Variants in POMC observed in about 807,000 individuals in gnomAD.
POMC encodes pro-opiomelanocortin.
Under a neutral mutation model 18.5 loss-of-function variants are expected in POMC, and 19 were observed. That is an observed-to-expected ratio of 1.03 (90% CI 0.72 to 1.51). The LOEUF (loss-of-function observed/expected upper bound fraction) is 1.51, where lower values mean the gene tolerates loss of function less well. Ranked by LOEUF, POMC falls within the 40% of genes most tolerant of loss-of-function variation. The pLI is 0.00. For synonymous variants in POMC, 179 were observed against 161.9 expected, an observed-to-expected ratio of 1.11 and a Z score of -0.80; for missense variants, 451 against 379.0, an observed-to-expected ratio of 1.19 and a Z score of -1.58.
chr2:25,161,595 C>CTGCCGCTGCTGCCGCTGCTGCTGCTGT lies in POMC; in HGVS notation c.289_290insACAGCAGCAGCAGCGGCAGCAGCGGCA (p.Gly96_Ser97insAsnSerSerSerSerGlySerSerGly). The CTGCCGCTGCTGCCGCTGCTGCTGCTGT allele has an allele frequency of 5.8e-6, 9 of 1,556,580 alleles. No individual in the cohort carries two copies. Among genetic ancestry groups the CTGCCGCTGCTGCCGCTGCTGCTGCTGT allele is most frequent in the South Asian group, 1.2e-5 (1 of 84,906 alleles). Reference sequence around the variant, plus strand: ...CTCGCGCTTCTGCCCTGCGCCGCTGCTGCCGCTGCTGCTGCTGTTGCGGCG... The same window carrying CTGCCGCTGCTGCCGCTGCTGCTGCTGT: ...CTCGCGCTTCTGCCCTGCGCCGCTGCTGCCGCTGCTGCCGCTGCTGCTGCTGTTGCCGCTGCTGCTGCTGTTGCGGCG... On this transcript the variant is annotated inframe_insertion, in exon 3 of 3. Transcript: ENST00000395826. The surrounding 1 kb of genome is among the most constrained non-coding windows in gnomAD (Gnocchi z 5.7).
Position 25,161,695 on chromosome 2 carries a change from T to C in POMC, c.190A>G (p.Asn64Asp). ...TCGGTCAGAGGCTGCTCGTCGCCATTTCCCGGGAACATGGGAGTCTCGGCC... is the reference window on the plus strand; with the variant it reads ...TCGGTCAGAGGCTGCTCGTCGCCATCTCCCGGGAACATGGGAGTCTCGGCC... ...LSAETPMFPG[N>D]GDEQPLTENP... Residue 64 changes from asparagine (N) to aspartate (D), a missense_variant, in exon 3 of 3, where the codon AAT becomes GAT. Coordinates refer to ENST00000395826, the MANE Select transcript of POMC (RefSeq NM_000939.4). The surrounding 1 kb of genome is among the most constrained non-coding windows in gnomAD (Gnocchi z 5.7). The C allele has an allele frequency of 6.3e-7, 1 of 1,585,098 alleles. No individual in the cohort carries two copies. The highest frequency in any genetic ancestry group is 8.6e-7 in the Non-Finnish European group (1 of 1,166,766).
At position 25,161,275 on chromosome 2, in the gene POMC, C is replaced by T; in HGVS notation, c.610G>A (p.Asp204Asn). 6.2e-7 allele frequency: 1 copy of T among 1,611,284 alleles called. No homozygotes were observed. Among genetic ancestry groups the T allele is most frequent in the East Asian group, 2.2e-5 (1 of 44,818 alleles). The stretch of plus-strand genomic sequence containing the variant: ...GCCACCAGCAGGCTGTGCTCCAGGT[C>T]GGCCTGGGCCCCTGCGCCGTCATCG... ...PADDGAGAQA[D>N]LEHSLLVAAE... The change falls in exon 3 of 3, where the codon GAC becomes AAC. Residue 204 changes from aspartate to asparagine, a missense_variant. Coordinates refer to ENST00000395826, the MANE Select transcript of POMC (RefSeq NM_000939.4). This position sits in a 1 kb window ranked among gnomAD's most constrained non-coding sequence, Gnocchi z 5.7.
In POMC at chr2:25,161,389, C is replaced by T; in HGVS notation, c.496G>A (p.Asp166Asn). 3 of 1,608,670 alleles carry T rather than the reference C, an allele frequency of 1.9e-6. No homozygotes were observed. The highest frequency in any genetic ancestry group is 2.5e-6 in the Non-Finnish European group (3 of 1,178,032). Reference sequence around the variant, plus strand: ...AGGGGGAAGGCCTCGGCCGACTCGTCCTCGGCGCCGTTAGGGTACACCTTC... The same window carrying T: ...AGGGGGAAGGCCTCGGCCGACTCGTTCTCGGCGCCGTTAGGGTACACCTTC... ...PVKVYPNGAE[D>N]ESAEAFPLEF... The change falls in exon 3 of 3, where the codon GAC becomes AAC. Residue 166 changes from aspartate to asparagine, a missense_variant. Asp to Asn is a conservative substitution (Grantham distance 23). Coordinates refer to ENST00000395826, the MANE Select transcript of POMC (RefSeq NM_000939.4). This position sits in a 1 kb window ranked among gnomAD's most constrained non-coding sequence, Gnocchi z 5.7.
At chr2:25,164,944 G>A in intron 1 of POMC, 152 bp from the exon 2 acceptor site, 3 of 750,652 alleles carry the variant, frequency 4.0e-6, no homozygotes, top group Admixed American at 2.2e-5. Flanking sequence ...GAAAGGAGGT[G>A]TGCAGTACAG....
intron 1 of POMC, among the ~76,000 whole-genome samples, chr2:25,165,185 A>G (rs1479467063): frequency 6.6e-6 from 1 of 152,210 alleles, no homozygotes; most frequent in Non-Finnish European, 1.5e-5. Flanking sequence ...GAACTTTCCT[A>G]TTTCACTACA....
In POMC at chr2:25,168,154, C is replaced by CAAAAAAA. The variant is rs376657620; in HGVS notation, c.-21+337_-21+343dup. Among the ~76,000 whole-genome samples the CAAAAAAA allele has an allele frequency of 9.4e-4, 118 of 125,062 alleles. No individual in the cohort carries two copies. The highest frequency in any genetic ancestry group is 3.2e-3 in the African/African-American group (107 of 33,874). 82.0% of individuals were successfully genotyped at this position (125,062 alleles called of 152,430 possible). On this transcript the variant is annotated intron_variant, in intron 1 of 2. Coordinates refer to ENST00000395826, the MANE Select transcript of POMC (RefSeq NM_000939.4). The surrounding 1 kb of genome is among the most constrained non-coding windows in gnomAD (Gnocchi z 5.2). ...GGGCAACAAGAGCGAAACTCCGTCT[C>CAAAAAAA]AAAAAAAAAAAAAAAGACCGGGTTG...
Position 25,168,379 on chromosome 2 carries a change from C to G in POMC, c.-21+119G>C, listed in dbSNP as rs1490593817. On this transcript the variant is annotated intron_variant, in intron 1 of 2. Coordinates refer to ENST00000395826, the MANE Select transcript of POMC (RefSeq NM_000939.4). This position sits in a 1 kb window ranked among gnomAD's most constrained non-coding sequence, Gnocchi z 5.2. ...AGAAAGTTTGTCGAGAACTCGGGAC[C>G]GCGGAGAGCCAGAGGCGCCCAGGTC... 1 of 152,234 alleles carries G rather than the reference C, an allele frequency of 6.6e-6. No individual in the cohort carries two copies. Among genetic ancestry groups the G allele is most frequent in the Non-Finnish European group, 1.5e-5 (1 of 68,082 alleles). The allele number at this position is 152,234 out of a possible 1,614,324, so 9.4% of individuals were successfully genotyped here.
At chr2:25,164,602 C>T in intron 2 of POMC, 39 bp downstream of exon 2, 1 of 1,613,816 alleles carries the variant, frequency 6.2e-7, no homozygotes, top group Non-Finnish European at 8.5e-7. Context: ...CCAGTCCCAT[C>T]TAATGTCTAA....
intron 2 of POMC, among the ~76,000 whole-genome samples, chr2:25,162,692 G>C (rs1444361563): frequency 1.3e-5 from 2 of 152,172 alleles, no homozygotes; most frequent in African/African-American, 2.4e-5. Context: ...CTGGGTGATA[G>C]AGCGAGACTC....
At chr2:25,164,494 C>A in intron 2 of POMC, 147 bp downstream of exon 2, 1 of 1,272,520 alleles carries the variant, frequency 7.9e-7, no homozygotes. Flanking sequence ...TTTCTTACTT[C>A]ACTGCAAAGT....
intron 2 of POMC, among the ~76,000 whole-genome samples, chr2:25,162,296 A>G (rs1671419940): frequency 1.3e-5 from 2 of 152,046 alleles, no homozygotes; most frequent in Admixed American, 6.6e-5. Context: ...GTATAAATAA[A>G]TAAATAAGCT....
chr2:25,161,096 G>C lies in POMC; in HGVS notation c.789C>G (p.Tyr263Ter). The C allele has an allele frequency of 6.2e-7, 1 of 1,614,054 alleles. No individual in the cohort carries two copies. Among genetic ancestry groups the C allele is most frequent in the African/African-American group, 1.3e-5 (1 of 75,022 alleles). Residue 263 changes from tyrosine (Y) to a stop codon, truncating the protein, a stop_gained, in exon 3 of 3, where the codon TAC becomes TAG. Coordinates refer to ENST00000395826, the MANE Select transcript of POMC (RefSeq NM_000939.4). LOFTEE classifies it high-confidence loss of function. The surrounding 1 kb of genome is among the most constrained non-coding windows in gnomAD (Gnocchi z 5.7). ...CGCTGTGCCCTCACTCGCCCTTCTT[G>C]TAGGCGTTCTTGATGATGGCGTTTT... Reference protein sequence around the residue: ...LFKNAIIKNAYKKGE With the variant: ...LFKNAIIKNA
chr2:25,168,233 G>A lies in POMC; in HGVS notation c.-21+265C>T, dbSNP rs1380385016. Among the ~76,000 whole-genome samples, 1 of 151,998 alleles carries A rather than the reference G, an allele frequency of 6.6e-6. No homozygotes were observed. The highest frequency in any genetic ancestry group is 6.6e-5 in the Admixed American group (1 of 15,264). On this transcript the variant is annotated intron_variant, in intron 1 of 2. Coordinates refer to ENST00000395826, the MANE Select transcript of POMC (RefSeq NM_000939.4). The surrounding 1 kb of genome is among the most constrained non-coding windows in gnomAD (Gnocchi z 5.2). The stretch of plus-strand genomic sequence containing the variant: ...GCCTCCGGACCGCCGCGAGCCCCTG[G>A]GGGAGAGGAGGCCGCCGGCTCCCTG...
intron 2 of POMC, among the ~76,000 whole-genome samples, chr2:25,164,052 T>G (rs755667622): frequency 6.6e-6 from 1 of 151,636 alleles, no homozygotes; most frequent in Admixed American, 6.6e-5. Flanking sequence ...TCCTGCCTGA[T>G]GCAAAGGGCC....
rs771268645 is a variant in POMC, at chr2:25,161,524, G to A, written c.361C>T (p.Pro121Ser). 2 of 1,590,174 alleles carry A rather than the reference G, an allele frequency of 1.3e-6. No homozygotes were observed. Among genetic ancestry groups the A allele is most frequent in the African/African-American group, 1.3e-5 (1 of 74,278 alleles). ...EDCGPLPEGG[P>S]EPRSDGAKPG... ...TTGGCACCATCGCTGCGGGGCTCGG[G>A]GCCGCCCTCAGGCAGCGGGCCGCAG... Residue 121 changes from proline to serine, a missense_variant, in exon 3 of 3, where the codon CCC becomes TCC. Coordinates refer to ENST00000395826, the MANE Select transcript of POMC (RefSeq NM_000939.4). This position sits in a 1 kb window ranked among gnomAD's most constrained non-coding sequence, Gnocchi z 5.7.
At position 25,161,028 on chromosome 2, in the gene POMC, G is replaced by T; in HGVS notation, c.*53C>A. 1.7e-5 allele frequency: 27 copies of T among 1,612,192 alleles called. No homozygotes were observed. Among genetic ancestry groups the T allele is most frequent in the Non-Finnish European group, 2.3e-5 (27 of 1,179,550 alleles). ...GGCAGCAGGGCAGGGGAGAGCAAGG[G>T]GCTTTGGGGTCGACCTCCTGGGGGA... On this transcript the variant is annotated 3_prime_UTR_variant, in exon 3 of 3. Transcript: ENST00000395826. This position sits in a 1 kb window ranked among gnomAD's most constrained non-coding sequence, Gnocchi z 5.7.
chr2:25,164,556 T>C (rs892627147), intron 2 of POMC, 85 bp downstream of exon 2: 22 of 1,594,628 alleles, frequency 1.4e-5, no homozygotes, highest in Non-Finnish European at 1.9e-5. Flanking sequence ...TGAATTTCCC[T>C]TTCCCCACAC....
chr2:25,162,292 A>G (rs1033609389), intron 2 of POMC, among the ~76,000 whole-genome samples: 1 of 151,988 alleles, frequency 6.6e-6, no homozygotes, highest in African/African-American at 2.4e-5. Context: ...TCTAGTATAA[A>G]TAAATAAATA....
At chr2:25,167,157 A>C (rs1020992597) in intron 1 of POMC, among the ~76,000 whole-genome samples, 1 of 152,218 alleles carries the variant, frequency 6.6e-6, no homozygotes, top group Non-Finnish European at 1.5e-5. Context: ...AGAGGAGCAC[A>C]GGGGCCGAGT....
Sources: allele counts gnomAD v4.1 joint callset (sites outside exome capture counted in the v4.1 genomes callset), GRCh38; gene constraint gnomAD v4.1.1; non-coding constraint Gnocchi (gnomAD v3.1); transcripts MANE v1.5; gene names NCBI Gene and HGNC (gene_info 2026-07-23, HGNC 2026-07-21).